The following DOCK3 variants were observed in gnomAD, a reference collection of about 807,000 sequenced individuals.
DOCK3 encodes dedicator of cytokinesis 3, also known as dedicator of cytokinesis protein 3.
A neutral mutation model predicts 265.6 loss-of-function variants in DOCK3; 60 were observed. The observed-to-expected ratio is 0.23, with a 90% CI of 0.18 to 0.28. The LOEUF (loss-of-function observed/expected upper bound fraction) is 0.28, where lower values mean the gene tolerates loss of function less well. Ranked by LOEUF, DOCK3 falls within the 10% of genes least tolerant of loss-of-function variation. The pLI, the probability that DOCK3 is intolerant of heterozygous loss-of-function variation, is 1.00. For missense variants in DOCK3, 1,981 were observed against 2,594.3 expected (o/e 0.76, Z 5.14); for synonymous variants, 881 against 938.0 (o/e 0.94, Z 1.11).
At chr3:50,822,906 T>C (rs1408232956) in intron 2 of DOCK3, among the ~76,000 whole-genome samples, 1 of 152,212 alleles carries the variant, frequency 6.6e-6, no homozygotes, top group African/African-American at 2.4e-5. Context: ...AGAATTGACA[T>C]TTTCATCTTT....
At chr3:51,356,911 T>G in intron 43 of DOCK3, 51 bp from the exon 44 acceptor site, 15 of 1,547,382 alleles carry the variant, frequency 9.7e-6, no homozygotes, top group South Asian at 1.2e-5. Flanking sequence ...AGGAAGATGA[T>G]GAGGGGTTAT....
chr3:51,045,865 C>T (rs2080757586), intron 5 of DOCK3, among the ~76,000 whole-genome samples: 1 of 152,078 alleles, frequency 6.6e-6, no homozygotes, highest in Non-Finnish European at 1.5e-5. Context: ...TATTGTCTTA[C>T]ATTTTTTAGG....
rs2084445102 is a variant in DOCK3 at position 51,330,530 on chromosome 3, G to A, written c.3488+307G>A. On this transcript the variant is annotated intron_variant, in intron 33 of 52. Coordinates refer to ENST00000266037, the MANE Select transcript of DOCK3 (RefSeq NM_004947.5). ...TCTGGATGGGGGGCAGACGGTTCAT[G>A]GAGACTCAGTTCTGGGCTCAATGCT... 2.6e-5 allele frequency among the ~76,000 whole-genome samples: 4 copies of A among 152,182 alleles called. No individual in the cohort carries two copies. The South Asian group carries it at 8.3e-4, about 32-fold the overall frequency.
chr3:50,746,876 C>G (rs1179248426), intron 1 of DOCK3, among the ~76,000 whole-genome samples: 1 of 152,078 alleles, frequency 6.6e-6, no homozygotes, highest in African/African-American at 2.4e-5. Flanking sequence ...ACACCTCCTA[C>G]CAGGCCCCAC....
chr3:51,147,778 G>A (rs1455128589), intron 10 of DOCK3, among the ~76,000 whole-genome samples: 1 of 152,098 alleles, frequency 6.6e-6, no homozygotes, highest in Admixed American at 6.6e-5. Flanking sequence ...CTTTGCTATT[G>A]TGAATAGCGC....
At chr3:50,737,568 A>AT (rs1373830303) in intron 1 of DOCK3, among the ~76,000 whole-genome samples, 2 of 152,182 alleles carry the variant, frequency 1.3e-5, no homozygotes, top group Non-Finnish European at 2.9e-5. Flanking sequence ...AGTTTACTTG[A>AT]TGGTGTCCCA....
Position 51,159,313 on chromosome 3 carries a change from C to T in DOCK3, c.889+9C>T, listed in dbSNP as rs780341435. 1.2e-6 allele frequency: 2 copies of T among 1,610,040 alleles called. No homozygotes were observed. The highest frequency in any genetic ancestry group is 3.3e-5 in the Admixed American group (2 of 60,000). On this transcript the variant is annotated intron_variant, in intron 11 of 52. Coordinates refer to ENST00000266037, the MANE Select transcript of DOCK3 (RefSeq NM_004947.5). ...CCATGTGATCCGAATAGGTACTGTT[C>T]ACCTTACCCATTCACATGACTAAGA...
intron 1 of DOCK3, among the ~76,000 whole-genome samples, chr3:50,768,905 C>T (rs1025011681): frequency 6.6e-6 from 1 of 152,086 alleles, no homozygotes; most frequent in Non-Finnish European, 1.5e-5. Context: ...TCTTCACATT[C>T]TCAGGAACTT....
chr3:50,901,346 G>C (rs2049185056), intron 4 of DOCK3, among the ~76,000 whole-genome samples: 1 of 152,122 alleles, frequency 6.6e-6, no homozygotes, highest in Non-Finnish European at 1.5e-5. Context: ...AGTGTCCCAG[G>C]TCAACTTCAG....
intron 9 of DOCK3, among the ~76,000 whole-genome samples, chr3:51,130,833 G>A (rs913445982): frequency 4.6e-5 from 7 of 151,938 alleles, no homozygotes; most frequent in African/African-American, 1.5e-4. Flanking sequence ...TCAGCCTCCC[G>A]AGTAGTTGGG....
In DOCK3 at chr3:51,359,521, A is replaced by G. The variant is rs1474967927; in HGVS notation, c.4885-990A>G. ...GAGTCTGGTGGGTATTCATTCCACT[A>G]CCTCTCATTCCAGGGTCTCCTGCCT... On this transcript the variant is annotated intron_variant, in intron 46 of 52. Transcript: ENST00000266037. The surrounding 1 kb of genome is among the most constrained non-coding windows in gnomAD (Gnocchi z 4.8). 1.3e-5 allele frequency among the ~76,000 whole-genome samples: 2 copies of G among 152,142 alleles called. No individual in the cohort carries two copies. Among genetic ancestry groups the G allele is most frequent in the South Asian group, 4.2e-4 (2 of 4,816 alleles).
chr3:51,043,551 A>G (rs1163754864), intron 5 of DOCK3, among the ~76,000 whole-genome samples: 2 of 152,222 alleles, frequency 1.3e-5, no homozygotes, highest in African/African-American at 4.8e-5. Flanking sequence ...CAAAGACACC[A>G]AAAGCAATTG....
chr3:51,220,348 T>C (rs2090012918), intron 14 of DOCK3, among the ~76,000 whole-genome samples: 1 of 152,038 alleles, frequency 6.6e-6, no homozygotes, highest in South Asian at 2.1e-4. Context: ...AGACAAGGTA[T>C]AAATAATATA....
chr3:50,974,717 A>C (rs2077372250), intron 5 of DOCK3, among the ~76,000 whole-genome samples: 1 of 106,944 alleles, frequency 9.4e-6, no homozygotes, highest in South Asian at 4.0e-4. Flanking sequence ...TTGAATCTAT[A>C]AATTACCTTG....
chr3:50,735,255 T>G (rs2038514910), intron 1 of DOCK3, among the ~76,000 whole-genome samples: 1 of 152,230 alleles, frequency 6.6e-6, no homozygotes, highest in Non-Finnish European at 1.5e-5. Context: ...TTTGAGAACT[T>G]GATTATAATG....
At chr3:50,938,182 C>G (rs1043737746) in intron 5 of DOCK3, among the ~76,000 whole-genome samples, 1 of 151,566 alleles carries the variant, frequency 6.6e-6, no homozygotes, top group Non-Finnish European at 1.5e-5. Context: ...AGAAAACTAC[C>G]AGGGAAAAAG....
intron 1 of DOCK3, among the ~76,000 whole-genome samples, chr3:50,696,980 G>T (rs888434456): frequency 3.3e-5 from 5 of 150,494 alleles, no homozygotes; most frequent in Non-Finnish European, 5.9e-5. Context: ...GCTCAGGCTG[G>T]CATGCAGTGG....
intron 22 of DOCK3, among the ~76,000 whole-genome samples, chr3:51,255,155 G>C (rs981022177): frequency 2.6e-5 from 4 of 152,168 alleles, no homozygotes; most frequent in African/African-American, 9.7e-5. Context: ...TGAAATTCTG[G>C]TTTGAAAATT....
chr3:51,211,765 G>A (rs908016234), intron 13 of DOCK3, among the ~76,000 whole-genome samples: 1 of 152,172 alleles, frequency 6.6e-6, no homozygotes, highest in African/African-American at 2.4e-5. Context: ...TATCATTGAT[G>A]GACACTTGGG....
Sources: allele counts gnomAD v4.1 joint callset (sites outside exome capture counted in the v4.1 genomes callset), GRCh38; gene constraint gnomAD v4.1.1; non-coding constraint Gnocchi (gnomAD v3.1); transcripts MANE v1.5; gene names NCBI Gene and HGNC (gene_info 2026-07-23, HGNC 2026-07-21).